CEP63: variants seen among roughly 807,000 people sequenced by gnomAD.
CEP63 encodes centrosomal protein of 63 kDa.
A neutral mutation model predicts 89.1 loss-of-function variants in CEP63; 84 were observed. That is an observed-to-expected ratio of 0.94 (90% CI 0.79 to 1.13). The LOEUF (loss-of-function observed/expected upper bound fraction) is 1.13. CEP63 is among the 50% of genes most tolerant of loss of function. The probability of loss-of-function intolerance (pLI) is 0.00; values close to 1 mark genes in which losing one functional copy is unlikely to be tolerated. For synonymous variants in CEP63, 267 were observed against 272.5 expected (o/e 0.98, Z 0.20); for missense variants, 838 against 813.3 (o/e 1.03, Z -0.37).
intron 12 of CEP63, among the ~76,000 whole-genome samples, 155 bp from the exon 13 acceptor site, chr3:134,557,987 T>C (rs1473937914): frequency 6.6e-6 from 1 of 152,214 alleles, no homozygotes; most frequent in Admixed American, 6.5e-5. Flanking sequence ...GAATTCTTTA[T>C]CTCTGTTAGT....
At chr3:134,652,228 G>A in the CEP63 span, among the ~76,000 whole-genome samples, 7 of 152,218 alleles carry the variant, frequency 4.6e-5, no homozygotes, top group African/African-American at 1.2e-4. Context: ...AATGTAAGGC[G>A]CCTGGTGTAT....
the CEP63 span, among the ~76,000 whole-genome samples, chr3:134,695,780 G>A: frequency 6.6e-6 from 1 of 152,218 alleles, no homozygotes; most frequent in Admixed American, 6.5e-5. Context: ...CCAAGCAACC[G>A]AGGTCTCCTT....
the CEP63 span, among the ~76,000 whole-genome samples, chr3:134,782,128 T>C: frequency 6.6e-6 from 1 of 152,238 alleles, no homozygotes. Flanking sequence ...TCTGTGCCTA[T>C]TGAGATGATC....
the CEP63 span, among the ~76,000 whole-genome samples, chr3:134,729,944 G>A: frequency 2.6e-5 from 4 of 152,164 alleles, no homozygotes; most frequent in Non-Finnish European, 4.4e-5. Context: ...TGCTGAAAGA[G>A]GCCCTGAGAA....
the CEP63 span, among the ~76,000 whole-genome samples, chr3:134,703,295 CAAAAA>C: frequency 1.3e-5 from 1 of 77,616 alleles, no homozygotes; most frequent in Non-Finnish European, 2.6e-5. Context: ...GACTCCGTCT[CAAAAA>C]AAAAAAAAAA....
At chr3:134,629,590 C>G in the CEP63 span, 1 of 1,551,094 alleles carries the variant, frequency 6.4e-7, no homozygotes, top group Non-Finnish European at 8.8e-7. Flanking sequence ...CTCTGCCAGC[C>G]CTCCACCATG....
At chr3:134,579,698 A>G (rs968543789), downstream of CEP63, among the ~76,000 whole-genome samples, 2 of 152,252 alleles carry the variant, frequency 1.3e-5, no homozygotes, top group Non-Finnish European at 2.9e-5. Flanking sequence ...ACTGCTAGGT[A>G]CCTAGAAGTA....
At chr3:134,651,072 G>C in the CEP63 span, 3 of 1,523,134 alleles carry the variant, frequency 2.0e-6, no homozygotes, top group Admixed American at 4.0e-5. Context: ...GGGCGCGGAA[G>C]AGGGCGCTCC....
chr3:134,649,957 A>T, the CEP63 span, among the ~76,000 whole-genome samples: 1 of 152,194 alleles, frequency 6.6e-6, no homozygotes, highest in Non-Finnish European at 1.5e-5. Context: ...ACTCCTAAAG[A>T]ACTGGCCCGC....
At chr3:134,700,809 T>G in the CEP63 span, among the ~76,000 whole-genome samples, 7 of 152,068 alleles carry the variant, frequency 4.6e-5, no homozygotes, top group African/African-American at 1.2e-4. Flanking sequence ...ACTTGCCCCC[T>G]GCCTTCAGAG....
At chr3:134,637,959 T>C in the CEP63 span, among the ~76,000 whole-genome samples, 5 of 152,262 alleles carry the variant, frequency 3.3e-5, no homozygotes, top group African/African-American at 1.2e-4. Flanking sequence ...CTCTCCTTTC[T>C]GTGATTCCTC....
At chr3:134,685,380 C>T in the CEP63 span, among the ~76,000 whole-genome samples, 17 of 152,192 alleles carry the variant, frequency 1.1e-4, no homozygotes, top group Non-Finnish European at 1.8e-4. Flanking sequence ...ATACTGAAGC[C>T]TTCTCTCTGG....
intron 10 of CEP63, among the ~76,000 whole-genome samples, chr3:134,580,267 C>T (rs1048108884): frequency 6.6e-6 from 1 of 151,172 alleles, no homozygotes; most frequent in Admixed American, 6.6e-5. Context: ...TATATAAAGT[C>T]AGGAAGGCAA....
the CEP63 span, among the ~76,000 whole-genome samples, chr3:134,633,489 A>C: frequency 6.6e-6 from 1 of 152,158 alleles, no homozygotes; most frequent in African/African-American, 2.4e-5. Context: ...TAACAGGCTA[A>C]AGAAGACAAA....
At chr3:134,529,524 A>G (rs1464504704) in intron 3 of CEP63, among the ~76,000 whole-genome samples, 2 of 152,006 alleles carry the variant, frequency 1.3e-5, no homozygotes, top group Admixed American at 6.6e-5. Context: ...TATTTTTGGT[A>G]GAGATGAGGT....
intron 10 of CEP63, among the ~76,000 whole-genome samples, chr3:134,585,065 A>G (rs1427674986): frequency 1.3e-5 from 2 of 149,174 alleles, no homozygotes; most frequent in Non-Finnish European, 3.0e-5. Flanking sequence ...AATTGCGTCT[A>G]TTTGATTCCT....
chr3:134,734,796 T>C, the CEP63 span, among the ~76,000 whole-genome samples: 1 of 152,162 alleles, frequency 6.6e-6, no homozygotes, highest in Non-Finnish European at 1.5e-5. Context: ...GAGGGTTAGG[T>C]TCTTGTGAGC....
At chr3:134,501,222 C>T (rs1941902558) in intron 2 of CEP63, among the ~76,000 whole-genome samples, 1 of 152,148 alleles carries the variant, frequency 6.6e-6, no homozygotes, top group South Asian at 2.1e-4. Flanking sequence ...CAGTATCATG[C>T]TGTTTTGGTT....
chr3:134,726,478 A>G, the CEP63 span, among the ~76,000 whole-genome samples: 6 of 146,884 alleles, frequency 4.1e-5, no homozygotes, highest in Admixed American at 2.1e-4. Flanking sequence ...ACACACACAC[A>G]CACACACACA....
Sources: allele counts gnomAD v4.1 joint callset (sites outside exome capture counted in the v4.1 genomes callset), GRCh38; gene constraint gnomAD v4.1.1; transcripts MANE v1.5; gene names NCBI Gene and HGNC (gene_info 2026-07-23, HGNC 2026-07-21).